Variants in CSGALNACT1 observed in about 807,000 individuals in gnomAD.
The protein encoded by CSGALNACT1 is beta4GalNAcT-1.
In CSGALNACT1, 52 loss-of-function variants were observed where a neutral mutation model predicts 51.0. The ratio of observed to expected loss-of-function variants is 1.02; its 90% CI spans 0.82 to 1.29. The LOEUF (loss-of-function observed/expected upper bound fraction) is 1.29, where lower values mean the gene tolerates loss of function less well. Among genes scored for constraint, CSGALNACT1 ranks in the 50% most tolerant of loss-of-function variants. CSGALNACT1 has a pLI of 0.00. For missense variants in CSGALNACT1, 935 were observed against 679.2 expected (o/e 1.38, Z -4.19); for synonymous variants, 341 against 254.4 (o/e 1.34, Z -3.24).
intron 1 of CSGALNACT1, among the ~76,000 whole-genome samples, chr8:19,737,282 A>C (rs905118781): frequency 6.6e-6 from 1 of 152,140 alleles, no homozygotes; most frequent in African/African-American, 2.4e-5. Context: ...GAAAGAGTCT[A>C]GGAGGCAAGA....
rs139656230 is a variant in CSGALNACT1, at chr8:19,552,767, T to A, written c.-297+38393A>T. 2.1e-3 allele frequency among the ~76,000 whole-genome samples: 325 copies of A among 152,332 alleles called. 2 individuals are homozygous for A. The highest frequency in any genetic ancestry group is 7.5e-3 in the African/African-American group (313 of 41,598). Reference sequence around the variant, plus strand: ...TAGTTTCCTTGTGTAAAAAGTGTCATGAAAAGAAAGTCTAACTGTAGCTAA... The same window carrying A: ...TAGTTTCCTTGTGTAAAAAGTGTCAAGAAAAGAAAGTCTAACTGTAGCTAA... On this transcript the variant is annotated intron_variant, in intron 3 of 9. Coordinates refer to ENST00000454498, the Ensembl canonical transcript of CSGALNACT1.
At chr8:19,696,999 A>G (rs2061619456) in intron 1 of CSGALNACT1, among the ~76,000 whole-genome samples, 1 of 152,150 alleles carries the variant, frequency 6.6e-6, no homozygotes, top group Admixed American at 6.5e-5. Flanking sequence ...GCAAGGCAGG[A>G]GGTAAAGATG....
intron 1 of CSGALNACT1, among the ~76,000 whole-genome samples, chr8:19,651,920 TTTTTG>T (rs939311844): frequency 1.8e-5 from 2 of 112,684 alleles, no homozygotes; most frequent in East Asian, 2.4e-4. Context: ...TGTCTGTTTT[TTTTTG>T]TTTTGTTTTG....
chr8:19,603,796 G>C (rs1272866864), upstream of CSGALNACT1, among the ~76,000 whole-genome samples: 1 of 152,102 alleles, frequency 6.6e-6, no homozygotes, highest in Non-Finnish European at 1.5e-5. Flanking sequence ...AAAAAGGGGG[G>C]AAATCTACAT....
chr8:19,450,538 C>A (rs1002831007), intron 5 of CSGALNACT1, among the ~76,000 whole-genome samples: 4 of 152,104 alleles, frequency 2.6e-5, no homozygotes, highest in Non-Finnish European at 4.4e-5. Flanking sequence ...CCACATCAGC[C>A]AGGACAATGA....
At chr8:19,507,869 C>G (rs541530950) in intron 3 of CSGALNACT1, among the ~76,000 whole-genome samples, 1 of 152,188 alleles carries the variant, frequency 6.6e-6, no homozygotes, top group African/African-American at 2.4e-5. Flanking sequence ...CCTTGTGATC[C>G]GCCCGCCTCG....
chr8:19,545,567 C>T (rs751242921), intron 3 of CSGALNACT1, among the ~76,000 whole-genome samples: 1 of 151,952 alleles, frequency 6.6e-6, no homozygotes, highest in Non-Finnish European at 1.5e-5. Flanking sequence ...CTCCTCAATG[C>T]CTAGTATGGT....
intron 1 of CSGALNACT1, among the ~76,000 whole-genome samples, chr8:19,671,219 C>A (rs905332528): frequency 2.0e-5 from 3 of 152,172 alleles, no homozygotes; most frequent in Non-Finnish European, 4.4e-5. Context: ...CAGCTAAGCA[C>A]AGAACCCATG....
intron 8 of CSGALNACT1, among the ~76,000 whole-genome samples, chr8:19,417,898 C>G (rs914406167): frequency 6.6e-6 from 1 of 152,210 alleles, no homozygotes; most frequent in African/African-American, 2.4e-5. Flanking sequence ...ACACAGAGAT[C>G]CTCTTCTGGC....
intron 2 of CSGALNACT1, among the ~76,000 whole-genome samples, chr8:19,595,861 A>AT (rs200011185): frequency 1.8e-4 from 20 of 112,098 alleles, no homozygotes; most frequent in East Asian, 1.2e-3. Context: ...CAGTTAATGT[A>AT]TTTTTTTTTT....
intron 1 of CSGALNACT1, among the ~76,000 whole-genome samples, chr8:19,622,566 G>A (rs909412288): frequency 2.6e-5 from 4 of 152,114 alleles, no homozygotes; most frequent in African/African-American, 9.7e-5. Context: ...AAGTTATTCA[G>A]GATAGTAGCA....
At chr8:19,509,921 C>T (rs1434866772) in intron 3 of CSGALNACT1, among the ~76,000 whole-genome samples, 4 of 152,136 alleles carry the variant, frequency 2.6e-5, no homozygotes, top group African/African-American at 9.7e-5. Context: ...CTTAGAAAGG[C>T]ACCCACATTT....
At chr8:19,625,748 A>G (rs4922070) in intron 1 of CSGALNACT1, among the ~76,000 whole-genome samples, 97,843 of 152,050 alleles carry the variant, frequency 0.64, 31,874 homozygotes, top group East Asian at 0.89. Context: ...GGCTTAAGAG[A>G]GGGGGCCTTA....
chr8:19,620,289 T>C (rs1222485227), intron 1 of CSGALNACT1, among the ~76,000 whole-genome samples: 1 of 116,912 alleles, frequency 8.6e-6, no homozygotes, highest in East Asian at 2.6e-4. Flanking sequence ...CACTCCAGCC[T>C]GGGCAACAGA....
intron 1 of CSGALNACT1, among the ~76,000 whole-genome samples, chr8:19,663,911 C>G (rs924847811): frequency 2.6e-5 from 4 of 152,146 alleles, no homozygotes; most frequent in Admixed American, 1.3e-4. Context: ...GATGCCAGAC[C>G]CTGGCAGTTT....
chr8:19,479,583 G>A (rs1430029105), intron 4 of CSGALNACT1, among the ~76,000 whole-genome samples: 1 of 152,012 alleles, frequency 6.6e-6, no homozygotes, highest in Non-Finnish European at 1.5e-5. Context: ...AGGCTTGGGG[G>A]AATTGTGATG....
intron 1 of CSGALNACT1, among the ~76,000 whole-genome samples, chr8:19,665,063 G>A (rs970837682): frequency 6.6e-6 from 1 of 152,118 alleles, no homozygotes; most frequent in Non-Finnish European, 1.5e-5. Flanking sequence ...GCCCAGGCTG[G>A]AGTGCACTGA....
chr8:19,467,726 T>G (rs2067048411), intron 4 of CSGALNACT1, among the ~76,000 whole-genome samples: 1 of 152,298 alleles, frequency 6.6e-6, no homozygotes, highest in South Asian at 2.1e-4. Flanking sequence ...GGCTCATGCC[T>G]GCAATCCCAG....
chr8:19,710,625 C>G (rs1464724461), intron 1 of CSGALNACT1, among the ~76,000 whole-genome samples: 1 of 152,090 alleles, frequency 6.6e-6, no homozygotes, highest in Non-Finnish European at 1.5e-5. Flanking sequence ...TGTTTTATTA[C>G]TCTCTGTACT....
Sources: allele counts gnomAD v4.1 joint callset (sites outside exome capture counted in the v4.1 genomes callset), GRCh38; gene constraint gnomAD v4.1.1; transcripts MANE v1.5; gene names NCBI Gene and HGNC (gene_info 2026-07-23, HGNC 2026-07-21).